CUEDC2: variants seen among roughly 807,000 people sequenced by gnomAD.
The protein encoded by CUEDC2 is CUE domain-containing protein 2.
In CUEDC2, 10 loss-of-function variants were observed where a neutral mutation model predicts 36.0. The observed-to-expected ratio is 0.28, with a 90% CI of 0.17 to 0.47. The LOEUF (loss-of-function observed/expected upper bound fraction) is 0.47, where lower values mean the gene tolerates loss of function less well. CUEDC2 is among the 20% of genes least tolerant of loss of function. CUEDC2 has a pLI of 0.99. For synonymous variants in CUEDC2, 133 were observed against 141.8 expected (o/e 0.94, Z 0.44); for missense variants, 269 against 368.1 (o/e 0.73, Z 2.20).
intron 1 of CUEDC2, among the ~76,000 whole-genome samples, chr10:102,427,070 AAAG>A (rs1306088555): frequency 6.6e-6 from 1 of 152,104 alleles, no homozygotes; most frequent in Non-Finnish European, 1.5e-5. Context: ...CTACAAAAAA[AAAG>A]GGGGGAATTT....
intron 1 of CUEDC2, among the ~76,000 whole-genome samples, chr10:102,426,804 G>GTTGT (rs951797247): frequency 2.0e-5 from 3 of 151,826 alleles, no homozygotes; most frequent in East Asian, 1.9e-4. Context: ...TTTTGTTGTT[G>GTTGT]TTGTTTGTTT....
At position 102,423,791 on chromosome 10, in the gene CUEDC2, G is replaced by GCCCAT; in HGVS notation, c.656+6_656+7insATGGG. 6.2e-7 allele frequency: 1 copy of GCCCAT among 1,613,938 alleles called. No homozygotes were observed. Among genetic ancestry groups the GCCCAT allele is most frequent in the East Asian group, 2.2e-5 (1 of 44,884 alleles). ...CTAGGGCCCAGCCCAGCCCAGCCCA[G>GCCCAT]ACTCACTTCTGCAGGATGAAGGACT... On this transcript the variant is annotated splice_region_variant and intron_variant, in intron 7 of 8. Coordinates refer to ENST00000369937, the MANE Select transcript of CUEDC2 (RefSeq NM_024040.3). The surrounding 1 kb of genome is among the most constrained non-coding windows in gnomAD (Gnocchi z 5.6).
intron 1 of CUEDC2, among the ~76,000 whole-genome samples, chr10:102,426,795 TTTG>T (rs896335779): frequency 2.6e-5 from 4 of 151,864 alleles, no homozygotes; most frequent in South Asian, 2.1e-4. Context: ...CTACTAGTTT[TTTG>T]TTGTTGTTGT....
At position 102,427,710 on chromosome 10, in the gene CUEDC2, C is replaced by G. The variant is rs867493912; in HGVS notation, c.-10-2512G>C. On this transcript the variant is annotated intron_variant, in intron 1 of 8. Coordinates refer to ENST00000369937, the MANE Select transcript of CUEDC2 (RefSeq NM_024040.3). ...CCCTTCTCCCCACTCCATCTTCCCC[C>G]CAACAACCTATTCTCCACACCACAG... 2.6e-5 allele frequency among the ~76,000 whole-genome samples: 4 copies of G among 152,228 alleles called. No individual in the cohort carries two copies. In the South Asian group the frequency reaches 6.2e-4, roughly 24 times the overall value.
chr10:102,424,361 C>G lies in CUEDC2; in HGVS notation c.314G>C (p.Gly105Ala), dbSNP rs766172061. 10 of 1,614,104 alleles carry G rather than the reference C, an allele frequency of 6.2e-6. No individual in the cohort carries two copies. The South Asian group carries it at 8.8e-5, about 14-fold the overall frequency. The change falls in exon 5 of 9, where the codon GGT (glycine) becomes GCT (alanine). Residue 105 changes from glycine (G) to alanine (A), a missense_variant. Transcript: ENST00000369937. This position sits in a 1 kb window ranked among gnomAD's most constrained non-coding sequence, Gnocchi z 4.2. ...GGGCTCTGGGGAGATGGGCACCTGA[C>G]CTTGGACACCAGAGCTCTGCGGTTG... ...NLQPQSSGVQ[G>A]QVPISPEPLQ...
intron 1 of CUEDC2, among the ~76,000 whole-genome samples, chr10:102,426,872 G>A (rs962314550): frequency 6.6e-6 from 1 of 151,890 alleles, no homozygotes; most frequent in Non-Finnish European, 1.5e-5. Flanking sequence ...TCGAGACCCA[G>A]GCTGGTCTCG....
intron 1 of CUEDC2, among the ~76,000 whole-genome samples, chr10:102,429,742 G>A (rs900459847): frequency 6.7e-6 from 1 of 150,348 alleles, no homozygotes; most frequent in Non-Finnish European, 1.5e-5. Flanking sequence ...CATCACCCTC[G>A]AATCCTGGGC....
At chr10:102,432,149 C>T (rs1212915079) in intron 1 of CUEDC2, among the ~76,000 whole-genome samples, 3 of 152,162 alleles carry the variant, frequency 2.0e-5, no homozygotes, top group African/African-American at 7.2e-5. Context: ...GCACCAAGGG[C>T]ATTGAGGGGA....
chr10:102,431,436 G>A (rs2061616446), intron 1 of CUEDC2, among the ~76,000 whole-genome samples: 2 of 152,078 alleles, frequency 1.3e-5, no homozygotes, highest in Admixed American at 6.5e-5. Context: ...GAACCACCGC[G>A]CCCGGCCGTA....
chr10:102,423,405 G>A lies in CUEDC2; in HGVS notation c.*21C>T. On this transcript the variant is annotated 3_prime_UTR_variant, in exon 9 of 9. Coordinates refer to ENST00000369937, the MANE Select transcript of CUEDC2 (RefSeq NM_024040.3). This position sits in a 1 kb window ranked among gnomAD's most constrained non-coding sequence, Gnocchi z 5.6. ...TCTGGGATCTGAGCCTAGAAGGCTCGGGCAGAGTCCGGCGAGTGCCTCAAT... is the reference window on the plus strand; with the variant it reads ...TCTGGGATCTGAGCCTAGAAGGCTCAGGCAGAGTCCGGCGAGTGCCTCAAT... The A allele has an allele frequency of 3.7e-6, 6 of 1,614,140 alleles. No individual in the cohort carries two copies. Among genetic ancestry groups the A allele is most frequent in the African/African-American group, 1.3e-5 (1 of 75,054 alleles).
chr10:102,430,184 T>C (rs2061612020), intron 1 of CUEDC2, among the ~76,000 whole-genome samples: 1 of 135,004 alleles, frequency 7.4e-6, no homozygotes, highest in South Asian at 2.3e-4. Context: ...TATTTTACTT[T>C]TGAGACAGAG....
intron 1 of CUEDC2, among the ~76,000 whole-genome samples, chr10:102,431,577 A>T (rs1325859523): frequency 6.6e-6 from 1 of 152,162 alleles, no homozygotes; most frequent in African/African-American, 2.4e-5. Flanking sequence ...GTTAACCACC[A>T]CACTACATCA....
intron 2 of CUEDC2, 92 bp downstream of exon 2, chr10:102,425,023 C>A: frequency 8.7e-7 from 1 of 1,154,772 alleles, no homozygotes; most frequent in Non-Finnish European, 1.3e-6. Context: ...AGTCAGCCCT[C>A]CTGCTGTCTT....
intron 1 of CUEDC2, among the ~76,000 whole-genome samples, chr10:102,426,425 A>G (rs1194790758): frequency 6.6e-6 from 1 of 152,078 alleles, no homozygotes; most frequent in Non-Finnish European, 1.5e-5. Flanking sequence ...ATCCCCCTCC[A>G]AACACACATC....
At chr10:102,425,463 C>A (rs571802593) in intron 1 of CUEDC2, among the ~76,000 whole-genome samples, 1 of 141,908 alleles carries the variant, frequency 7.0e-6, no homozygotes, top group East Asian at 2.4e-4. Context: ...CCCCACCCCC[C>A]TACCCCATTC....
chr10:102,432,099 G>A (rs976911553), intron 1 of CUEDC2, among the ~76,000 whole-genome samples: 2 of 152,166 alleles, frequency 1.3e-5, no homozygotes, highest in Non-Finnish European at 2.9e-5. Flanking sequence ...AGGCCCCAGA[G>A]GATATCATTG....
chr10:102,425,922 C>T (rs1387196098), intron 1 of CUEDC2, among the ~76,000 whole-genome samples: 1 of 152,132 alleles, frequency 6.6e-6, no homozygotes, highest in Non-Finnish European at 1.5e-5. Flanking sequence ...CTGTCTGTGT[C>T]CTGCGGGACA....
chr10:102,424,000 T>C lies in CUEDC2; in HGVS notation c.590A>G (p.Asn197Ser). Reference sequence around the variant, plus strand: ...GAGGGTGCTGGGAAAAGATACCTGGTTGGGGCCCTCCCAGGCTGCAGGCCC... The same window carrying C: ...GAGGGTGCTGGGAAAAGATACCTGGCTGGGGCCCTCCCAGGCTGCAGGCCC... ...EEGPAAWEGP[N>S]QDLPRRLRGP... Residue 197 changes from asparagine to serine, a missense_variant, in exon 6 of 9, where the codon AAC becomes AGC. Transcript: ENST00000369937. The surrounding 1 kb of genome is among the most constrained non-coding windows in gnomAD (Gnocchi z 5.6). The C allele has an allele frequency of 6.2e-7, 1 of 1,613,714 alleles. No individual in the cohort carries two copies. The highest frequency in any genetic ancestry group is 1.3e-5 in the African/African-American group (1 of 75,020).
chr10:102,423,706 A>G lies in CUEDC2; in HGVS notation c.668T>C (p.Val223Ala). 6.2e-7 allele frequency: 1 copy of G among 1,614,062 alleles called. No individual in the cohort carries two copies. The highest frequency in any genetic ancestry group is 8.5e-7 in the Non-Finnish European group (1 of 1,180,000). ...KSFILQKYMMVDSAEDQKIHR... is the reference protein window; with the variant it reads ...KSFILQKYMMADSAEDQKIHR... ...AATCTTCTGATCCTCTGCGCTATCCACCATCATGTACCTGTCAAAAACTGG... is the reference window on the plus strand; with the variant it reads ...AATCTTCTGATCCTCTGCGCTATCCGCCATCATGTACCTGTCAAAAACTGG... Residue 223 changes from valine to alanine, a missense_variant, in exon 8 of 9, where the codon GTG becomes GCG. Val to Ala is a moderately conservative substitution (Grantham distance 64). Coordinates refer to ENST00000369937, the MANE Select transcript of CUEDC2 (RefSeq NM_024040.3). The surrounding 1 kb of genome is among the most constrained non-coding windows in gnomAD (Gnocchi z 5.6).
Sources: allele counts gnomAD v4.1 joint callset (sites outside exome capture counted in the v4.1 genomes callset), GRCh38; gene constraint gnomAD v4.1.1; non-coding constraint Gnocchi (gnomAD v3.1); transcripts MANE v1.5; gene names NCBI Gene and HGNC (gene_info 2026-07-23, HGNC 2026-07-21).